Variants in PARD3B observed in about 807,000 individuals in gnomAD.
PARD3B encodes the protein par-3 family cell polarity regulator beta.
Under a neutral mutation model 130.2 loss-of-function variants are expected in PARD3B, and 103 were observed. The observed-to-expected ratio is 0.79, with a 90% CI of 0.67 to 0.93. The LOEUF is 0.93. PARD3B is among the 40% of genes least tolerant of loss of function. PARD3B has a pLI of 0.00. For missense variants in PARD3B, 1,609 were observed against 1,499.2 expected (o/e 1.07, Z -1.21); for synonymous variants, 583 against 553.2 (o/e 1.05, Z -0.76).
chr2:205,075,795 T>G (rs1329982577), intron 4 of PARD3B, among the ~76,000 whole-genome samples: 1 of 151,992 alleles, frequency 6.6e-6, no homozygotes, highest in Non-Finnish European at 1.5e-5. Flanking sequence ...TAAACTTTTT[T>G]CATAAACACA....
At chr2:204,816,993 A>G (rs558884233) in intron 2 of PARD3B, among the ~76,000 whole-genome samples, 21 of 152,146 alleles carry the variant, frequency 1.4e-4, no homozygotes, top group African/African-American at 4.8e-4. Context: ...TTTTCCTTCT[A>G]CAATGTCTAA....
At chr2:205,452,774 T>C (rs1415757789) in intron 20 of PARD3B, among the ~76,000 whole-genome samples, 1 of 152,164 alleles carries the variant, frequency 6.6e-6, no homozygotes, top group Non-Finnish European at 1.5e-5. Context: ...GGGTGACAGA[T>C]GTAGACAATC....
At position 205,121,096 on chromosome 2, in the gene PARD3B, A is replaced by G. The variant is rs1225438410; in HGVS notation, c.807-495A>G. On this transcript the variant is annotated intron_variant, in intron 7 of 22. Coordinates refer to ENST00000406610, the MANE Select transcript of PARD3B (RefSeq NM_001302769.2). This position sits in a 1 kb window ranked among gnomAD's most constrained non-coding sequence, Gnocchi z 5.0. ...TCTCCATGAGCAAACATGGATGTCAAACTTGAACTTGTGTAACACAACCCA... is the reference window on the plus strand; with the variant it reads ...TCTCCATGAGCAAACATGGATGTCAGACTTGAACTTGTGTAACACAACCCA... 2.6e-5 allele frequency among the ~76,000 whole-genome samples: 4 copies of G among 152,244 alleles called. No homozygotes were observed. Among genetic ancestry groups the G allele is most frequent in the Admixed American group, 2.0e-4 (3 of 15,286 alleles).
intron 1 of PARD3B, among the ~76,000 whole-genome samples, chr2:204,631,376 A>G (rs1354577925): frequency 2.0e-5 from 3 of 152,006 alleles, no homozygotes; most frequent in Non-Finnish European, 4.4e-5. Context: ...CAGCCTCCCA[A>G]GTAGCTGAGA....
rs1472369911 is a variant in PARD3B, at chr2:205,499,939, C to A, written c.3088C>A (p.Arg1030=). The change falls in exon 21 of 23, where the codon CGG becomes AGG. Residue 1030 remains arginine, a synonymous_variant. Coordinates refer to ENST00000406610, the MANE Select transcript of PARD3B (RefSeq NM_001302769.2). ...AAGCACTGACCGTATCCAGAAGTTG[C>A]GGAAAGAGTATTATCAGGCTCGGAG... ...GGSTDRIQKL[R]KEYYQARREG... is the part of the protein sequence containing the mutation. 3.1e-6 allele frequency: 5 copies of A among 1,613,482 alleles called. 1 individual carries two copies. In the African/African-American group the frequency reaches 5.3e-5, roughly 17 times the overall value.
At chr2:204,903,827 T>G (rs188498886) in intron 2 of PARD3B, among the ~76,000 whole-genome samples, 1 of 152,340 alleles carries the variant, frequency 6.6e-6, no homozygotes, top group Non-Finnish European at 1.5e-5. Flanking sequence ...AGAGGAAATT[T>G]ACAGAGATGT....
intron 2 of PARD3B, among the ~76,000 whole-genome samples, chr2:204,709,293 C>T (rs1243663569): frequency 6.6e-6 from 1 of 152,080 alleles, no homozygotes; most frequent in Non-Finnish European, 1.5e-5. Context: ...CCGCATGATG[C>T]AGAACGTACT....
Position 205,473,694 on chromosome 2 carries a change from A to ATG in PARD3B, c.3045-26201_3045-26200insGT, listed in dbSNP as rs1553520412. On this transcript the variant is annotated intron_variant, in intron 20 of 22. Transcript: ENST00000406610. The surrounding 1 kb of genome is among the most constrained non-coding windows in gnomAD (Gnocchi z 4.9). ...TGTGTGTGTGTGTATGTATATATATATATATATATATATATACACACACAC... is the reference window on the plus strand; with the variant it reads ...TGTGTGTGTGTGTATGTATATATATATGTATATATATATATATACACACACAC... Among the ~76,000 whole-genome samples the ATG allele has an allele frequency of 1.4e-4, 19 of 138,704 alleles. No homozygotes were observed. The highest frequency in any genetic ancestry group is 5.2e-4 in the African/African-American group (18 of 34,376). 91.0% of individuals were successfully genotyped at this position (138,704 alleles called of 152,430 possible).
At chr2:205,532,798 G>C (rs540947924) in intron 21 of PARD3B, among the ~76,000 whole-genome samples, 3 of 152,248 alleles carry the variant, frequency 2.0e-5, no homozygotes, top group Non-Finnish European at 2.9e-5. Context: ...TCTTTAAAAA[G>C]TGTGATAGAC....
chr2:205,212,138 C>T (rs1235297725), intron 15 of PARD3B, among the ~76,000 whole-genome samples: 2 of 151,990 alleles, frequency 1.3e-5, no homozygotes, highest in African/African-American at 4.8e-5. Context: ...GCTAATAGTA[C>T]CACCTTATCA....
intron 14 of PARD3B, among the ~76,000 whole-genome samples, chr2:205,190,812 A>G: frequency 6.6e-6 from 1 of 152,182 alleles, no homozygotes; most frequent in South Asian, 2.1e-4. Context: ...GTCGAATAAC[A>G]CATTTAAAGG....
At chr2:205,248,675 A>T (rs184343597) in intron 16 of PARD3B, among the ~76,000 whole-genome samples, 13 of 125,286 alleles carry the variant, frequency 1.0e-4, no homozygotes, top group African/African-American at 2.8e-4. Flanking sequence ...GGCGCGATCT[A>T]GGCTCACTGC....
At chr2:205,517,472 CTTCTTT>C (rs2106386808) in intron 21 of PARD3B, among the ~76,000 whole-genome samples, 1 of 152,004 alleles carries the variant, frequency 6.6e-6, no homozygotes, top group African/African-American at 2.4e-5. Context: ...TCTCCTTTTT[CTTCTTT>C]ATTAGTCTAG....
At chr2:205,174,391 G>C (rs1326443900) in intron 12 of PARD3B, among the ~76,000 whole-genome samples, 1 of 152,168 alleles carries the variant, frequency 6.6e-6, no homozygotes, top group Non-Finnish European at 1.5e-5. Context: ...GGAATGAGCA[G>C]GCACTTGACT....
intron 7 of PARD3B, 106 bp downstream of exon 7, chr2:205,119,152 T>C: frequency 3.6e-6 from 5 of 1,394,620 alleles, no homozygotes; most frequent in Non-Finnish European, 4.8e-6. Flanking sequence ...TCTAGTCAGT[T>C]CCCTTTGAAC....
chr2:204,632,758 G>T (rs1465093859), intron 1 of PARD3B, among the ~76,000 whole-genome samples: 1 of 152,188 alleles, frequency 6.6e-6, no homozygotes. Context: ...GGCTGGGTGT[G>T]GGGGTTCCCT....
chr2:205,113,291 T>C (rs564904421), intron 5 of PARD3B, among the ~76,000 whole-genome samples, 200 bp from the exon 6 acceptor site: 1 of 152,232 alleles, frequency 6.6e-6, no homozygotes, highest in East Asian at 1.9e-4. Flanking sequence ...AGAAATCAGA[T>C]AGACTTTTAA....
chr2:205,208,482 G>A (rs1443172791), intron 15 of PARD3B, among the ~76,000 whole-genome samples: 1 of 130,140 alleles, frequency 7.7e-6, no homozygotes, highest in Non-Finnish European at 1.6e-5. Flanking sequence ...ATTGTCTCAG[G>A]CCAAAATCTC....
In PARD3B at chr2:205,558,096, AGT is replaced by A. The variant is rs1413041041; in HGVS notation, c.3260+4695_3260+4696del. Among the ~76,000 whole-genome samples, 1 of 152,204 alleles carries A rather than the reference AGT, an allele frequency of 6.6e-6. No individual in the cohort carries two copies. The highest frequency in any genetic ancestry group is 1.5e-5 in the Non-Finnish European group (1 of 68,038). On this transcript the variant is annotated intron_variant, in intron 22 of 22. Transcript: ENST00000406610. The surrounding 1 kb of genome is among the most constrained non-coding windows in gnomAD (Gnocchi z 4.8). ...GAACATAGCAATCTACTGTGATCTG[AGT>A]GATAAGCTGAGCTAATGGACATGAT...
Sources: gnomAD v4.1 joint callset for allele counts (sites outside exome capture counted in the v4.1 genomes callset) on GRCh38, gnomAD v4.1.1 for gene constraint, Gnocchi (gnomAD v3.1) non-coding constraint, MANE v1.5 for transcripts, NCBI Gene and HGNC (gene_info 2026-07-23, HGNC 2026-07-21) for gene names.